CTNNA3: variants seen among roughly 807,000 people sequenced by gnomAD.
CTNNA3 encodes catenin alpha-3.
In CTNNA3, 76 loss-of-function variants were observed where a neutral mutation model predicts 95.7. That is an observed-to-expected ratio of 0.79 (90% CI 0.66 to 0.96). CTNNA3 has a LOEUF of 0.96. Ranked by LOEUF, CTNNA3 falls within the 40% of genes least tolerant of loss-of-function variation. The pLI is 0.00. For missense variants in CTNNA3, 1,191 were observed against 1,089.8 expected, an observed-to-expected ratio of 1.09 and a Z score of -1.31; for synonymous variants, 431 against 374.4, an observed-to-expected ratio of 1.15 and a Z score of -1.74.
At chr10:66,106,896 G>A (rs1358929776) in intron 13 of CTNNA3, among the ~76,000 whole-genome samples, 1 of 150,294 alleles carries the variant, frequency 6.7e-6, no homozygotes, top group Admixed American at 6.7e-5. Context: ...GGTTGACATG[G>A]TACATTTACT....
Position 65,913,262 on chromosome 10 carries a change from GA to G in CTNNA3, c.*7067del, listed in dbSNP as rs1229996024. The G allele has an allele frequency of 6.6e-6, 1 of 152,062 alleles. No individual in the cohort carries two copies. The highest frequency in any genetic ancestry group is 1.5e-5 in the Non-Finnish European group (1 of 68,004). The allele number at this position is 152,062 out of a possible 1,614,324, so 9.4% of individuals were successfully genotyped here. ...TGAAACTAAAACCATAATCAAAATG[GA>G]AAACAGGGGCATCTGGAAATCTTTC... On this transcript the variant is annotated 3_prime_UTR_variant, in exon 18 of 18. Coordinates refer to ENST00000433211, the MANE Select transcript of CTNNA3 (RefSeq NM_013266.4).
intron 14 of CTNNA3, among the ~76,000 whole-genome samples, chr10:66,099,196 C>G (rs1333542508): frequency 6.6e-6 from 1 of 152,144 alleles, no homozygotes; most frequent in African/African-American, 2.4e-5. Context: ...TCCATTTACT[C>G]ATCTTGTGCT....
intron 5 of CTNNA3, among the ~76,000 whole-genome samples, chr10:67,228,477 G>T (rs1865033269): frequency 6.6e-6 from 1 of 152,138 alleles, no homozygotes; most frequent in African/African-American, 2.4e-5. Context: ...GCAGGGCGTG[G>T]TGGCAGGCAC....
intron 7 of CTNNA3, among the ~76,000 whole-genome samples, chr10:66,893,122 G>A (rs1179574673): frequency 6.6e-6 from 1 of 152,022 alleles, no homozygotes; most frequent in African/African-American, 2.4e-5. Flanking sequence ...CGAAGCCATG[G>A]CATTAAATTT....
chr10:67,142,961 C>T lies in CTNNA3; in HGVS notation c.1047+37356G>A, dbSNP rs1860651337. Among the ~76,000 whole-genome samples, 3 of 152,056 alleles carry T rather than the reference C, an allele frequency of 2.0e-5. No homozygotes were observed. The South Asian group carries it at 6.2e-4, about 31-fold the overall frequency. ...TATATGTATCTCTCTCTACAAAATGCTAAAAATCATCTGAGCCTTTAGTGA... is the reference window on the plus strand; with the variant it reads ...TATATGTATCTCTCTCTACAAAATGTTAAAAATCATCTGAGCCTTTAGTGA... On this transcript the variant is annotated intron_variant, in intron 7 of 17. Coordinates refer to ENST00000433211, the MANE Select transcript of CTNNA3 (RefSeq NM_013266.4).
chr10:66,904,775 C>A (rs1286484195), intron 7 of CTNNA3, among the ~76,000 whole-genome samples: 1 of 152,234 alleles, frequency 6.6e-6, no homozygotes, highest in East Asian at 1.9e-4. Context: ...AAAAGATGCT[C>A]ATCATCACTG....
Position 66,356,718 on chromosome 10 carries a change from T to G in CTNNA3, c.1732+22434A>C, listed in dbSNP as rs61867314. 4.6e-3 allele frequency among the ~76,000 whole-genome samples: 704 copies of G among 152,168 alleles called. 1 individual carries two copies. The highest frequency in any genetic ancestry group is 0.012 in the South Asian group (59 of 4,830). The stretch of plus-strand genomic sequence containing the variant: ...AGGAAGAAAGCATTCATTCTTTTAC[T>G]GTTAAGAATGATGTTAGCTGTGGGC... On this transcript the variant is annotated intron_variant, in intron 12 of 17. Transcript: ENST00000433211.
intron 13 of CTNNA3, among the ~76,000 whole-genome samples, chr10:66,235,434 A>G (rs989472349): frequency 3.3e-5 from 5 of 151,270 alleles, no homozygotes; most frequent in African/African-American, 1.2e-4. Context: ...ATGGATTTAT[A>G]AAATTATTTA....
intron 1 of CTNNA3, among the ~76,000 whole-genome samples, chr10:67,704,803 T>C (rs1841067627): frequency 6.6e-6 from 1 of 152,224 alleles, no homozygotes; most frequent in East Asian, 1.9e-4. Context: ...CAAGAGCTTC[T>C]GCACAGCAAA....
chr10:65,953,616 A>G (rs957177389), intron 17 of CTNNA3, among the ~76,000 whole-genome samples: 1 of 150,726 alleles, frequency 6.6e-6, no homozygotes, highest in Non-Finnish European at 1.5e-5. Context: ...ATTCCCACCT[A>G]TGAGTAAGAA....
intron 13 of CTNNA3, among the ~76,000 whole-genome samples, chr10:66,120,477 T>C (rs2082531379): frequency 7.2e-6 from 1 of 138,014 alleles, no homozygotes; most frequent in South Asian, 2.1e-4. Flanking sequence ...CTAGGTGACC[T>C]TAATTATGTC....
intron 5 of CTNNA3, among the ~76,000 whole-genome samples, chr10:67,374,741 G>T (rs1843626252): frequency 6.6e-6 from 1 of 152,080 alleles, no homozygotes; most frequent in Admixed American, 6.6e-5. Flanking sequence ...CAATCTATAT[G>T]GTTAGCTAAG....
chr10:67,573,338 G>T (rs994788536), intron 3 of CTNNA3, among the ~76,000 whole-genome samples: 8 of 152,080 alleles, frequency 5.3e-5, no homozygotes, highest in Non-Finnish European at 1.2e-4. Context: ...CATGCAGCCT[G>T]GACAGAAAAG....
rs1840383405 is a variant in CTNNA3, at chr10:66,504,449, G to A, written c.1531+16168C>T. Reference sequence around the variant, plus strand: ...TCGTAAAATCAGATACATGATTCCTGTTTTCAAATTTCCTATCTAGACCCA... The same window carrying A: ...TCGTAAAATCAGATACATGATTCCTATTTTCAAATTTCCTATCTAGACCCA... On this transcript the variant is annotated intron_variant, in intron 11 of 17. Coordinates refer to ENST00000433211, the MANE Select transcript of CTNNA3 (RefSeq NM_013266.4). 2.0e-5 allele frequency among the ~76,000 whole-genome samples: 3 copies of A among 152,242 alleles called. No individual in the cohort carries two copies. In the South Asian group the frequency reaches 6.2e-4, roughly 32 times the overall value.
chr10:67,533,395 A>T (rs1056478509), intron 4 of CTNNA3, among the ~76,000 whole-genome samples: 1 of 152,202 alleles, frequency 6.6e-6, no homozygotes, highest in Non-Finnish European at 1.5e-5. Flanking sequence ...AATAGTACAG[A>T]AAAGTCTGAA....
At chr10:67,060,503 C>T (rs1855699045) in intron 7 of CTNNA3, among the ~76,000 whole-genome samples, 1 of 152,084 alleles carries the variant, frequency 6.6e-6, no homozygotes, top group Non-Finnish European at 1.5e-5. Context: ...TCAAATATTC[C>T]AGTTAGTTTT....
chr10:67,384,435 AAT>A (rs1844066239), intron 5 of CTNNA3, among the ~76,000 whole-genome samples: 1 of 152,202 alleles, frequency 6.6e-6, no homozygotes, highest in Non-Finnish European at 1.5e-5. Context: ...TCATCCACTA[AAT>A]ATATGCATTA....
intron 11 of CTNNA3, among the ~76,000 whole-genome samples, chr10:66,507,721 T>C (rs1840500800): frequency 6.6e-6 from 1 of 152,132 alleles, no homozygotes; most frequent in Non-Finnish European, 1.5e-5. Context: ...TATATATATA[T>C]ATATTACATT....
At chr10:67,053,768 G>T (rs1313639107) in intron 7 of CTNNA3, among the ~76,000 whole-genome samples, 1 of 152,126 alleles carries the variant, frequency 6.6e-6, no homozygotes, top group Non-Finnish European at 1.5e-5. Flanking sequence ...TCTGCTAAAG[G>T]AATTGCAAGA....
Sources: allele counts gnomAD v4.1 joint callset (sites outside exome capture counted in the v4.1 genomes callset), GRCh38; gene constraint gnomAD v4.1.1; transcripts MANE v1.5; gene names NCBI Gene and HGNC (gene_info 2026-07-23, HGNC 2026-07-21).